The following KIAA1217 variants were observed in gnomAD, a reference collection of about 807,000 sequenced individuals.
KIAA1217 encodes the protein KIAA1217, also known as sickle tail protein homolog.
A neutral mutation model predicts 163.9 loss-of-function variants in KIAA1217; 88 were observed. That is an observed-to-expected ratio of 0.54 (90% CI 0.45 to 0.64). KIAA1217 has a LOEUF of 0.64. Among genes scored for constraint, KIAA1217 ranks in the 30% least tolerant of loss-of-function variants. KIAA1217 has a pLI of 0.00. For missense variants in KIAA1217, 2,372 were observed against 2,475.0 expected (o/e 0.96, Z 0.88); for synonymous variants, 903 against 923.1 (o/e 0.98, Z 0.39).
chr10:24,030,883 T>A (rs1473062780), intron 2 of KIAA1217, among the ~76,000 whole-genome samples: 5 of 152,250 alleles, frequency 3.3e-5, no homozygotes, highest in Admixed American at 3.3e-4. Context: ...TTCCATTTTA[T>A]GTATATACCA....
chr10:23,983,558 A>G (rs1166916416), intron 1 of KIAA1217, among the ~76,000 whole-genome samples: 1 of 152,158 alleles, frequency 6.6e-6, no homozygotes, highest in East Asian at 1.9e-4. Flanking sequence ...CCCATTATAA[A>G]GTACCAAGGG....
intron 3 of KIAA1217, among the ~76,000 whole-genome samples, chr10:24,410,803 T>G (rs1363110733): frequency 6.6e-6 from 1 of 152,196 alleles, no homozygotes; most frequent in African/African-American, 2.4e-5. Context: ...GCCCTTGCAT[T>G]TTGTTTTTCA....
At chr10:24,177,361 GTATATA>G (rs58347791) in intron 2 of KIAA1217, among the ~76,000 whole-genome samples, 1 of 129,230 alleles carries the variant, frequency 7.7e-6, no homozygotes, top group Non-Finnish European at 1.6e-5. Flanking sequence ...TATCATATGT[GTATATA>G]TATATATATA....
chr10:23,785,136 A>G (rs1217364980), intron 1 of KIAA1217, among the ~76,000 whole-genome samples: 1 of 152,048 alleles, frequency 6.6e-6, no homozygotes, highest in East Asian at 1.9e-4. Context: ...TGTGACTTGA[A>G]TGCCACCTCT....
intron 9 of KIAA1217, among the ~76,000 whole-genome samples, chr10:24,503,665 G>A (rs1053675399): frequency 3.3e-5 from 5 of 152,126 alleles, no homozygotes; most frequent in African/African-American, 9.7e-5. Context: ...ATGAATTACC[G>A]CCATTTAAAA....
intron 1 of KIAA1217, among the ~76,000 whole-genome samples, chr10:23,731,470 C>T (rs1316892813): frequency 6.6e-6 from 1 of 152,090 alleles, no homozygotes; most frequent in African/African-American, 2.4e-5. Flanking sequence ...GCTTCATGGT[C>T]AGTGGTCTCT....
intron 2 of KIAA1217, among the ~76,000 whole-genome samples, chr10:24,025,898 T>TTTATGGTAGA (rs1275133210): frequency 1.3e-5 from 2 of 151,872 alleles, no homozygotes; most frequent in Non-Finnish European, 2.9e-5. Flanking sequence ...TCCTAGTAGC[T>TTTATGGTAGA]TTATGGTAGA....
At chr10:23,994,884 A>C (rs1564595849) in intron 1 of KIAA1217, among the ~76,000 whole-genome samples, 1 of 152,192 alleles carries the variant, frequency 6.6e-6, no homozygotes, top group African/African-American at 2.4e-5. Flanking sequence ...GGAGCATGTC[A>C]TCATTTATTT....
chr10:24,180,693 T>A (rs1389757700), intron 2 of KIAA1217, among the ~76,000 whole-genome samples: 1 of 152,236 alleles, frequency 6.6e-6, no homozygotes, highest in Non-Finnish European at 1.5e-5. Context: ...CCAAATGTTT[T>A]GAAGACACAT....
chr10:24,031,727 T>A (rs1281484854), intron 2 of KIAA1217, among the ~76,000 whole-genome samples: 1 of 152,184 alleles, frequency 6.6e-6, no homozygotes, highest in East Asian at 1.9e-4. Flanking sequence ...TCTTTATCAC[T>A]TATGTGTAAA....
At chr10:24,220,028 A>G (rs575633498) in intron 2 of KIAA1217, 119 bp downstream of exon 2, 7 of 1,079,674 alleles carry the variant, frequency 6.5e-6, no homozygotes, top group Non-Finnish European at 8.8e-6. Flanking sequence ...CATACTATTT[A>G]GTTGTTCTGG....
intron 3 of KIAA1217, among the ~76,000 whole-genome samples, chr10:24,421,986 A>T (rs1317532946): frequency 6.6e-6 from 1 of 152,236 alleles, no homozygotes; most frequent in Non-Finnish European, 1.5e-5. Context: ...TCAAGAAAAG[A>T]AGTTTAATGG....
chr10:23,859,965 C>T (rs1839877338), intron 1 of KIAA1217, among the ~76,000 whole-genome samples: 1 of 152,018 alleles, frequency 6.6e-6, no homozygotes, highest in South Asian at 2.1e-4. Flanking sequence ...GTATGCACTC[C>T]TTGTCATATG....
chr10:24,502,466 A>G (rs140845904), intron 9 of KIAA1217, among the ~76,000 whole-genome samples: 50 of 152,244 alleles, frequency 3.3e-4, no homozygotes, highest in Middle Eastern at 3.4e-3. Context: ...GTGACCCTTC[A>G]GGTCACGAAT....
chr10:24,168,534 G>A (rs2065466745), intron 2 of KIAA1217, among the ~76,000 whole-genome samples: 1 of 152,148 alleles, frequency 6.6e-6, no homozygotes, highest in African/African-American at 2.4e-5. Context: ...CCCTACATGG[G>A]ACACCTACAT....
chr10:24,063,916 G>A (rs1231065553), intron 2 of KIAA1217, among the ~76,000 whole-genome samples: 3 of 152,178 alleles, frequency 2.0e-5, no homozygotes, highest in Admixed American at 6.6e-5. Context: ...GTGAATGGGA[G>A]TTCACTCATG....
intron 2 of KIAA1217, among the ~76,000 whole-genome samples, chr10:24,062,204 T>C (rs942710870): frequency 1.3e-5 from 2 of 151,670 alleles, no homozygotes; most frequent in African/African-American, 4.8e-5. Flanking sequence ...TTGTTACATA[T>C]GTATACATGT....
intron 2 of KIAA1217, among the ~76,000 whole-genome samples, chr10:24,174,768 C>T (rs1487648968): frequency 2.0e-5 from 3 of 152,058 alleles, no homozygotes; most frequent in Non-Finnish European, 2.9e-5. Context: ...TCTTTGGTTA[C>T]ATGAATAAGT....
At chr10:24,340,735 C>A (rs11014039) in intron 2 of KIAA1217, among the ~76,000 whole-genome samples, 20,450 of 152,210 alleles carry the variant, frequency 0.13, 1,645 homozygotes, top group Middle Eastern at 0.27. Context: ...CTTTAAACTG[C>A]CACAGAAAGA....
Sources: gnomAD v4.1 joint callset for allele counts (sites outside exome capture counted in the v4.1 genomes callset) on GRCh38, gnomAD v4.1.1 for gene constraint, MANE v1.5 for transcripts, NCBI Gene and HGNC (gene_info 2026-07-23, HGNC 2026-07-21) for gene names.